PDE6B: variants seen among roughly 807,000 people sequenced by gnomAD.
The protein encoded by PDE6B is rod cGMP-specific 3',5'-cyclic phosphodiesterase subunit beta.
PDE6B carries 106 observed loss-of-function variants against 109.0 expected under a neutral mutation model. The ratio of observed to expected loss-of-function variants is 0.97; its 90% CI spans 0.83 to 1.14. The LOEUF (loss-of-function observed/expected upper bound fraction) is 1.14. Among genes scored for constraint, PDE6B ranks in the 50% most tolerant of loss-of-function variants. The probability of loss-of-function intolerance (pLI) is 0.00; values close to 1 mark genes in which losing one functional copy is unlikely to be tolerated. For missense variants in PDE6B, 1,193 were observed against 1,155.6 expected, an observed-to-expected ratio of 1.03 and a Z score of -0.47; for synonymous variants, 490 against 471.3, an observed-to-expected ratio of 1.04 and a Z score of -0.51.
In PDE6B at chr4:662,117, C is replaced by T. The variant is rs1456646255; in HGVS notation, c.1615-17C>T. 4.5e-6 allele frequency: 6 copies of T among 1,339,128 alleles called. No individual in the cohort carries two copies. The highest frequency in any genetic ancestry group is 1.2e-5 in the South Asian group (1 of 80,218). The allele number at this position is 1,339,128 out of a possible 1,614,324, so 83.0% of individuals were successfully genotyped here. A position where few individuals can be genotyped will look rare whatever the true frequency, so the allele number is the denominator to read the frequency against. ...CACGCTTGCCGCCGGAGCCCTGTGT[C>T]CTCTCGGCTCCCCCAGGTCCTGGTG... On this transcript the variant is annotated splice_polypyrimidine_tract_variant and intron_variant, in intron 12 of 21. Transcript: ENST00000496514. This position sits in a 1 kb window ranked among gnomAD's most constrained non-coding sequence, Gnocchi z 4.3.
At position 670,202 on chromosome 4, in the gene PDE6B, C is replaced by T. The variant is rs1418611832; in HGVS notation, c.*95C>T. The T allele has an allele frequency of 6.3e-7, 1 of 1,597,420 alleles. No individual in the cohort carries two copies. The highest frequency in any genetic ancestry group is 8.5e-7 in the Non-Finnish European group (1 of 1,169,798). On this transcript the variant is annotated 3_prime_UTR_variant, in exon 22 of 22. Transcript: ENST00000496514. ...CTATTTGCTACAAGAGGTTAGGAAGCCCAAGAAAATGACTGAAGATCATTC... is the reference window on the plus strand; with the variant it reads ...CTATTTGCTACAAGAGGTTAGGAAGTCCAAGAAAATGACTGAAGATCATTC...
chr4:663,768 A>G lies in PDE6B; in HGVS notation c.1921-2A>G, dbSNP rs1469569680. ...CTGACGCGCTGGGCATAACCTCCGC[A>G]GACCCTGAACATCTACCAGAACCTG... On this transcript the variant is annotated splice_acceptor_variant, in intron 15 of 21. Coordinates refer to ENST00000496514, the MANE Select transcript of PDE6B (RefSeq NM_000283.4). LOFTEE classifies it high-confidence loss of function. The surrounding 1 kb of genome is among the most constrained non-coding windows in gnomAD (Gnocchi z 4.0). 1 of 1,610,622 alleles carries G rather than the reference A, an allele frequency of 6.2e-7. No individual in the cohort carries two copies. The highest frequency in any genetic ancestry group is 8.5e-7 in the Non-Finnish European group (1 of 1,177,960).
At position 625,997 on chromosome 4, in the gene PDE6B, T is replaced by G; in HGVS notation, c.371T>G (p.Val124Gly). ...GACAGCGTCCTGGAGGACTGCCTGG[T>G]GCCCCCCGACTCCGAGATCGTCTTC... The part of the protein sequence containing the change: ...QPDSVLEDCL[V>G]PPDSEIVFPL... Residue 124 changes from valine (V) to glycine (G), a missense_variant, in exon 1 of 22, where the codon GTG (valine) becomes GGG (glycine). Physicochemically the swap from Val to Gly is moderately radical, Grantham distance 109 (BLOSUM62 -3). Coordinates refer to ENST00000496514, the MANE Select transcript of PDE6B (RefSeq NM_000283.4). The surrounding 1 kb of genome is among the most constrained non-coding windows in gnomAD (Gnocchi z 5.0). 6.3e-7 allele frequency: 1 copy of G among 1,581,700 alleles called. No individual in the cohort carries two copies. The highest frequency in any genetic ancestry group is 8.6e-7 in the Non-Finnish European group (1 of 1,164,434).
rs1244980382 is a variant in PDE6B, at chr4:667,977, A to C, written c.2474A>C (p.Glu825Ala). The part of the protein sequence containing the change: ...EAKVKALEEK[E>A]EEERVAAKKV... The stretch of plus-strand genomic sequence containing the variant: ...AAAGTGAAGGCTCTGGAGGAGAAGG[A>C]GGAGGAGGAGAGGGTGGCAGCCAAG... Residue 825 changes from glutamate to alanine, a missense_variant, in exon 21 of 22, where the codon GAG (glutamate) becomes GCG (alanine). Coordinates refer to ENST00000496514, the MANE Select transcript of PDE6B (RefSeq NM_000283.4). 5 of 1,612,776 alleles carry C rather than the reference A, an allele frequency of 3.1e-6. No individual in the cohort carries two copies. In the Admixed American group the frequency reaches 5.0e-5, roughly 16 times the overall value.
chr4:645,434 T>C (rs1169511261), intron 3 of PDE6B, among the ~76,000 whole-genome samples: 1 of 151,806 alleles, frequency 6.6e-6, no homozygotes, highest in East Asian at 1.9e-4. Context: ...TAGCTGGGAC[T>C]ACAGGCGCCC....
At chr4:657,546 CA>C in intron 10 of PDE6B, 52 bp downstream of exon 10, 1 of 1,495,714 alleles carries the variant, frequency 6.7e-7, no homozygotes, top group Non-Finnish European at 9.2e-7. Context: ...GGCTGTGTGG[CA>C]GGGGCAGGTC....
At position 660,533 on chromosome 4, in the gene PDE6B, A is replaced by G. The variant is rs1303860503; in HGVS notation, c.1534A>G (p.Thr512Ala). 6.2e-7 allele frequency: 1 copy of G among 1,613,602 alleles called. No individual in the cohort carries two copies. Among genetic ancestry groups the G allele is most frequent in the Admixed American group, 1.7e-5 (1 of 60,012 alleles). Residue 512 changes from threonine to alanine, a missense_variant, in exon 12 of 22, where the codon ACC becomes GCC. Thr to Ala is a moderately conservative substitution (Grantham distance 58). Transcript: ENST00000496514. Reference sequence around the variant, plus strand: ...ATTCCACTTCTCTGACCTGGAGTGCACCGAACTGGACCTGGTCAAATGTGG... The same window carrying G: ...ATTCCACTTCTCTGACCTGGAGTGCGCCGAACTGGACCTGGTCAAATGTGG... ...YEFHFSDLEC[T>A]ELDLVKCGIQ...
chr4:638,525 G>A lies in PDE6B; in HGVS notation c.711+2556G>A, dbSNP rs532962118. On this transcript the variant is annotated intron_variant, in intron 3 of 21. Coordinates refer to ENST00000496514, the MANE Select transcript of PDE6B (RefSeq NM_000283.4). The stretch of plus-strand genomic sequence containing the variant: ...TTTAGTAGAGACGGGGTTTCACCAT[G>A]TTGGCCAGGCTGGTCTCGAACTCCT... 2.6e-3 allele frequency among the ~76,000 whole-genome samples: 403 copies of A among 152,298 alleles called. 2 individuals carry two copies. Among genetic ancestry groups the A allele is most frequent in the African/African-American group, 9.0e-3 (376 of 41,558 alleles).
intron 5 of PDE6B, chr4:654,546 C>T (rs111945177): frequency 4.3e-5 from 26 of 599,028 alleles, no homozygotes; most frequent in African/African-American, 3.5e-4. Flanking sequence ...AGATGTAAAC[C>T]GCGGCGTGTG....
rs371074541 is a variant in PDE6B, at chr4:663,050, T to A, written c.1833-50T>A. On this transcript the variant is annotated intron_variant, in intron 14 of 21. Coordinates refer to ENST00000496514, the MANE Select transcript of PDE6B (RefSeq NM_000283.4). This position sits in a 1 kb window ranked among gnomAD's most constrained non-coding sequence, Gnocchi z 4.0. Reference sequence around the variant, plus strand: ...TCTGGGGGGGCTGCAGAGCGCAGGGTGGGCCAAGGGCAGGTCCCACGGGCC... The same window carrying A: ...TCTGGGGGGGCTGCAGAGCGCAGGGAGGGCCAAGGGCAGGTCCCACGGGCC... The A allele has an allele frequency of 1.7e-4, 177 of 1,035,554 alleles. No individual in the cohort carries two copies. The African/African-American group carries it at 2.5e-3, about 15-fold the overall frequency. The allele number at this position is 1,035,554 out of a possible 1,614,324, so 64.1% of individuals were successfully genotyped here. A position where few individuals can be genotyped will look rare whatever the true frequency, so the allele number is the denominator to read the frequency against.
At chr4:649,710 G>A (rs888598710) in intron 3 of PDE6B, among the ~76,000 whole-genome samples, 2 of 152,116 alleles carry the variant, frequency 1.3e-5, no homozygotes, top group African/African-American at 4.8e-5. Flanking sequence ...GTAGGCCTGA[G>A]CGCTTGCCTC....
Position 663,176 on chromosome 4 carries a change from C to A in PDE6B, c.1909C>A (p.Leu637Ile), listed in dbSNP as rs771559007. The A allele has an allele frequency of 5.6e-6, 9 of 1,598,568 alleles. No individual in the cohort carries two copies. Among genetic ancestry groups the A allele is most frequent in the Non-Finnish European group, 6.9e-6 (8 of 1,165,810 alleles). ...CCACCTGGAGTTTGGGAAGTTCCTG[C>A]TCTCGGAGGAGGTTGGTATACTCAC... ...RHHLEFGKFL[L>I]SEETLNIYQN... Residue 637 changes from leucine to isoleucine, a missense_variant, in exon 15 of 22, where the codon CTC (leucine) becomes ATC (isoleucine). Leu to Ile is a conservative substitution (Grantham distance 5). Transcript: ENST00000496514. The surrounding 1 kb of genome is among the most constrained non-coding windows in gnomAD (Gnocchi z 4.0).
chr4:670,406 C>G lies in PDE6B; in HGVS notation c.*299C>G, dbSNP rs556126189. 2.8e-6 allele frequency: 1 copy of G among 359,588 alleles called. No individual in the cohort carries two copies. The highest frequency in any genetic ancestry group is 5.3e-6 in the Non-Finnish European group (1 of 189,192). The allele number at this position is 359,588 out of a possible 1,614,324, so 22.3% of individuals were successfully genotyped here. A position where few individuals can be genotyped will look rare whatever the true frequency, so the allele number is the denominator to read the frequency against. On this transcript the variant is annotated 3_prime_UTR_variant, in exon 22 of 22. Coordinates refer to ENST00000496514, the MANE Select transcript of PDE6B (RefSeq NM_000283.4). ...TACAGGCGCCCACCACCACACATGG[C>G]TAATTTTTGTATTTTCAGTACAGAT...
At chr4:641,570 C>T (rs1442550077) in intron 3 of PDE6B, among the ~76,000 whole-genome samples, 1 of 152,204 alleles carries the variant, frequency 6.6e-6, no homozygotes. Context: ...GCCACCTAGG[C>T]GTCCCAGCTC....
Position 634,526 on chromosome 4 carries a change from C to T in PDE6B, c.469-151C>T, listed in dbSNP as rs79562082. 909 of 767,592 alleles carry T rather than the reference C, an allele frequency of 1.2e-3. 3 individuals carry two copies. The highest frequency in any genetic ancestry group is 1.8e-3 in the Non-Finnish European group (751 of 418,574). 47.5% of individuals were successfully genotyped at this position (767,592 alleles called of 1,614,324 possible). ...AGGGACAGGCCCAGCTTTCACCGCC[C>T]GGTGGCCACATCCCAGTGCCCAGCA... On this transcript the variant is annotated intron_variant, in intron 1 of 21. Coordinates refer to ENST00000496514, the MANE Select transcript of PDE6B (RefSeq NM_000283.4).
Position 626,236 on chromosome 4 carries a change from T to A in PDE6B, c.468+142T>A. 1.6e-6 allele frequency: 1 copy of A among 625,244 alleles called. No homozygotes were observed. Among genetic ancestry groups the A allele is most frequent in the Non-Finnish European group, 2.8e-6 (1 of 353,254 alleles). The allele number at this position is 625,244 out of a possible 1,614,324, so 38.7% of individuals were successfully genotyped here. On this transcript the variant is annotated intron_variant, in intron 1 of 21. Transcript: ENST00000496514. This position sits in a 1 kb window ranked among gnomAD's most constrained non-coding sequence, Gnocchi z 4.6. The stretch of plus-strand genomic sequence containing the variant: ...GGCTAGTTCTGTGCTGAGGAGCAAG[T>A]ACCTAGAGCCCCCTCCCGGCACTGT...
At chr4:654,452 G>A (rs575508642) in intron 5 of PDE6B, 7 of 609,038 alleles carry the variant, frequency 1.1e-5, no homozygotes, top group South Asian at 1.8e-5. Flanking sequence ...TCCTGTGCAC[G>A]TGTAGGATGC....
At chr4:630,639 G>A (rs1038614158) in intron 1 of PDE6B, among the ~76,000 whole-genome samples, 2 of 152,226 alleles carry the variant, frequency 1.3e-5, no homozygotes, top group African/African-American at 4.8e-5. Flanking sequence ...GCAGAAGCCT[G>A]ACAAGGTACA....
At position 628,558 on chromosome 4, in the gene PDE6B, G is replaced by A. The variant is rs76999168; in HGVS notation, c.468+2464G>A. ...CTAAACCAGCCTGCTCCTGAGCACAGCGGGCCCTGAGTCTGCAGGGCAGGC... is the reference window on the plus strand; with the variant it reads ...CTAAACCAGCCTGCTCCTGAGCACAACGGGCCCTGAGTCTGCAGGGCAGGC... On this transcript the variant is annotated intron_variant, in intron 1 of 21. Coordinates refer to ENST00000496514, the MANE Select transcript of PDE6B (RefSeq NM_000283.4). Among the ~76,000 whole-genome samples, 49 of 152,380 alleles carry A rather than the reference G, an allele frequency of 3.2e-4. No individual in the cohort carries two copies. In the East Asian group the frequency reaches 9.4e-3, roughly 29 times the overall value.
Sources: gnomAD v4.1 joint callset for allele counts (sites outside exome capture counted in the v4.1 genomes callset) on GRCh38, gnomAD v4.1.1 for gene constraint, Gnocchi (gnomAD v3.1) non-coding constraint, MANE v1.5 for transcripts, NCBI Gene and HGNC (gene_info 2026-07-23, HGNC 2026-07-21) for gene names.